ADGRG2: variants seen among roughly 807,000 people sequenced by gnomAD.
ADGRG2 encodes the protein G protein-coupled receptor 64.
ADGRG2 carries 26 observed loss-of-function variants against 74.1 expected under a neutral mutation model. That is an observed-to-expected ratio of 0.35 (90% confidence interval 0.26 to 0.49). The LOEUF is 0.49. Ranked by LOEUF, ADGRG2 falls within the 20% of genes least tolerant of loss-of-function variation. The pLI is 0.99. For synonymous variants in ADGRG2, 296 were observed against 295.2 expected (o/e 1.00, Z -0.03); for missense variants, 619 against 763.1 (o/e 0.81, Z 2.22).
chrX:19,005,062 G>A (rs1721944450), intron 22 of ADGRG2, among the ~76,000 whole-genome samples, 183 bp from the exon 23 acceptor site: 1 of 111,786 alleles, frequency 8.9e-6, no homozygotes, highest in Admixed American at 9.5e-5. Context: ...TAAGTAACTT[G>A]CTCAAGGACA....
chrX:19,069,755 CTCCA>C (rs931737468), intron 2 of ADGRG2, among the ~76,000 whole-genome samples: 46 of 111,466 alleles, frequency 4.1e-4, no homozygotes, highest in Non-Finnish European at 7.0e-4. Flanking sequence ...CACCTTCCCA[CTCCA>C]TCCCCTTTCC....
At chrX:19,015,007 G>A (rs1480139445) in intron 15 of ADGRG2, among the ~76,000 whole-genome samples, 1 of 111,460 alleles carries the variant, frequency 9.0e-6, no homozygotes, top group East Asian at 2.8e-4. Context: ...AGCTGGTCTT[G>A]GGATGGGGCA....
chrX:19,113,954 C>A (rs1317062852), intron 1 of ADGRG2, among the ~76,000 whole-genome samples: 1 of 108,058 alleles, frequency 9.3e-6, no homozygotes, highest in Non-Finnish European at 1.9e-5. Flanking sequence ...CACCTGTGGT[C>A]CCAGCTACTC....
At chrX:19,076,694 G>A (rs767143634) in intron 2 of ADGRG2, among the ~76,000 whole-genome samples, 2 of 111,196 alleles carry the variant, frequency 1.8e-5, no homozygotes, top group Admixed American at 1.9e-4. Context: ...GCTTGAACCC[G>A]GGAGGTGGAG....
chrX:19,058,096 T>A lies in ADGRG2; in HGVS notation c.118+10621A>T, dbSNP rs112085600. Among the ~76,000 whole-genome samples the A allele has an allele frequency of 6.2e-3, 695 of 111,674 alleles. 5 individuals carry two copies. Among genetic ancestry groups the A allele is most frequent in the African/African-American group, 0.022 (670 of 30,718 alleles). On this transcript the variant is annotated intron_variant, in intron 3 of 28. Transcript: ENST00000379869. ...CAGATACCAAAATAGTCCAACCCCT[T>A]CAGTCCACAAGTGAGGAAACACAAG... is the stretch of plus-strand genomic sequence containing the variant.
At chrX:19,096,671 G>C (rs899923461) in intron 1 of ADGRG2, among the ~76,000 whole-genome samples, 5 of 111,492 alleles carry the variant, frequency 4.5e-5, no homozygotes, top group African/African-American at 1.6e-4. Context: ...GGAGGTGTAG[G>C]GAGGTGGTGA....
chrX:19,075,913 A>C (rs772133930), intron 2 of ADGRG2, among the ~76,000 whole-genome samples: 61 of 112,548 alleles, frequency 5.4e-4, no homozygotes, highest in Non-Finnish European at 9.4e-4. Context: ...AAAAGACATA[A>C]GAACTGAGAT....
chrX:19,023,166 T>C (rs758522609), intron 13 of ADGRG2, among the ~76,000 whole-genome samples: 5 of 111,579 alleles, frequency 4.5e-5, no homozygotes, highest in Non-Finnish European at 9.4e-5. Flanking sequence ...TGATGACCCT[T>C]AGCCTTGTGG....
Position 19,112,570 on chromosome X carries a change from G to A in ADGRG2, c.-47+9872C>T, listed in dbSNP as rs1192616529. ...CTGAGAAGGATATAATGTCATCCAC[G>A]CAGTGTTCAGGCTAAAAATGCATAA... On this transcript the variant is annotated intron_variant, in intron 1 of 28. Transcript: ENST00000379869. Among the ~76,000 whole-genome samples, 9 of 107,774 alleles carry A rather than the reference G, an allele frequency of 8.4e-5. 1 individual carries two copies. In the Admixed American group the frequency reaches 9.1e-4, roughly 11 times the overall value. 93.6% of individuals were successfully genotyped at this position (107,774 alleles called of 115,157 possible). A position where few individuals can be genotyped will look rare whatever the true frequency, so the allele number is the denominator to read the frequency against.
At chrX:19,059,448 AC>A (rs896046700) in intron 3 of ADGRG2, among the ~76,000 whole-genome samples, 2 of 111,550 alleles carry the variant, frequency 1.8e-5, no homozygotes, top group African/African-American at 6.5e-5. Context: ...AGTGAGGATA[AC>A]ACAAACTTTT....
At chrX:19,102,709 C>T (rs2062210110) in intron 1 of ADGRG2, among the ~76,000 whole-genome samples, 1 of 107,871 alleles carries the variant, frequency 9.3e-6, no homozygotes, top group Non-Finnish European at 1.9e-5. Flanking sequence ...AGCCCTAACC[C>T]CCAGGGTAAC....
intron 3 of ADGRG2, among the ~76,000 whole-genome samples, chrX:19,063,626 G>A (rs1445656063): frequency 1.8e-5 from 2 of 112,183 alleles, no homozygotes; most frequent in African/African-American, 3.2e-5. Context: ...CTTCCCTCCC[G>A]TGAGTTCGCC....
chrX:19,093,546 T>G (rs1439663039), intron 1 of ADGRG2, among the ~76,000 whole-genome samples: 1 of 111,679 alleles, frequency 9.0e-6, no homozygotes, highest in Non-Finnish European at 1.9e-5. Flanking sequence ...TTTTGTGTGT[T>G]TGGGGAGATG....
chrX:18,995,077 CAG>C (rs746650249), intron 27 of ADGRG2, 29 bp from the exon 28 acceptor site: 2 of 1,128,259 alleles, frequency 1.8e-6, no homozygotes, highest in Non-Finnish European at 1.2e-6. Context: ...TACAGAAAAA[CAG>C]GGCAGTATGT....
Position 19,063,008 on chromosome X carries a change from T to TAA in ADGRG2, c.118+5707_118+5708dup, listed in dbSNP as rs3056190. On this transcript the variant is annotated intron_variant, in intron 3 of 28. Transcript: ENST00000379869. ...TAAAAGAAGACCTCCTTCAAAGATT[T>TAA]AAAAAAAAAAAAAAAGGCATTGGTA... Among the ~76,000 whole-genome samples, 161 of 96,310 alleles carry TAA rather than the reference T, an allele frequency of 1.7e-3. 2 individuals are homozygous for TAA. The highest frequency in any genetic ancestry group is 0.012 in the East Asian group (36 of 3,075). The allele number at this position is 96,310 out of a possible 115,157, so 83.6% of individuals were successfully genotyped here. A position where few individuals can be genotyped will look rare whatever the true frequency, so the allele number is the denominator to read the frequency against.
intron 15 of ADGRG2, among the ~76,000 whole-genome samples, chrX:19,016,930 T>C (rs2060483772): frequency 9.1e-6 from 1 of 110,317 alleles, no homozygotes; most frequent in Non-Finnish European, 1.9e-5. Context: ...GGTCTCACTA[T>C]GTTGCCCTGG....
intron 1 of ADGRG2, among the ~76,000 whole-genome samples, chrX:19,090,445 G>A (rs1461949690): frequency 1.8e-5 from 2 of 111,864 alleles, no homozygotes; most frequent in African/African-American, 3.3e-5. Context: ...CCTCCCTCAC[G>A]TGGCTGCGCA....
At chrX:19,062,598 G>A in intron 3 of ADGRG2, among the ~76,000 whole-genome samples, 1 of 111,696 alleles carries the variant, frequency 9.0e-6, no homozygotes, top group East Asian at 2.8e-4. Flanking sequence ...GACCAGGACA[G>A]GGTCTGGTAT....
chrX:19,080,379 A>G (rs1352883507), intron 2 of ADGRG2, among the ~76,000 whole-genome samples: 3 of 111,080 alleles, frequency 2.7e-5, no homozygotes, highest in Non-Finnish European at 5.7e-5. Flanking sequence ...CAATGCTTGC[A>G]GTATGTTTAA....
Sources: allele counts gnomAD v4.1 joint callset (sites outside exome capture counted in the v4.1 genomes callset), GRCh38; gene constraint gnomAD v4.1.1; transcripts MANE v1.5; gene names NCBI Gene and HGNC (gene_info 2026-07-23, HGNC 2026-07-21).